Variants in SDK1 observed in about 807,000 individuals in gnomAD.
SDK1 encodes the protein protein sidekick-1.
In SDK1, 157 loss-of-function variants were observed where a neutral mutation model predicts 245.5. That is an observed-to-expected ratio of 0.64 (90% CI 0.56 to 0.73). The LOEUF is 0.73. Ranked by LOEUF, SDK1 falls within the 30% of genes least tolerant of loss-of-function variation. SDK1 has a pLI of 0.00. For missense variants in SDK1, 3,583 were observed against 3,002.3 expected (o/e 1.19, Z -4.52); for synonymous variants, 1,647 against 1,278.5 (o/e 1.29, Z -6.15).
At chr7:3,765,543 C>T (rs1042291192) in intron 4 of SDK1, among the ~76,000 whole-genome samples, 5 of 152,134 alleles carry the variant, frequency 3.3e-5, no homozygotes, top group Admixed American at 3.3e-4. Context: ...GTTGTAGTGT[C>T]CACCTGTATC....
chr7:3,884,607 T>C (rs1781293205), intron 5 of SDK1, among the ~76,000 whole-genome samples: 1 of 152,164 alleles, frequency 6.6e-6, no homozygotes, highest in South Asian at 2.1e-4. Flanking sequence ...TGAGCACATA[T>C]TGTGTGCCAG....
At chr7:3,509,781 G>C (rs1393856230) in intron 1 of SDK1, among the ~76,000 whole-genome samples, 1 of 152,184 alleles carries the variant, frequency 6.6e-6, no homozygotes, top group Admixed American at 6.5e-5. Context: ...AAGAAAAGCA[G>C]CATGACAGAG....
At chr7:3,788,193 G>A (rs1780965841) in intron 4 of SDK1, among the ~76,000 whole-genome samples, 1 of 152,198 alleles carries the variant, frequency 6.6e-6, no homozygotes, top group Admixed American at 6.5e-5. Context: ...TTCTTCAGCA[G>A]TGTCCCCGCC....
chr7:3,663,289 G>A (rs960134568), intron 4 of SDK1, among the ~76,000 whole-genome samples: 2 of 152,172 alleles, frequency 1.3e-5, no homozygotes, highest in Non-Finnish European at 2.9e-5. Context: ...GAACATCCAT[G>A]TTTTTGTTTT....
rs117977412 is a variant in SDK1 at position 3,566,940 on chromosome 7, A to C, written c.299-52140A>C. Among the ~76,000 whole-genome samples, 485 of 152,262 alleles carry C rather than the reference A, an allele frequency of 3.2e-3. 10 individuals are homozygous for C. In the East Asian group the frequency reaches 0.046, roughly 14 times the overall value. ...TAGATACAAGTGGGGATGTGTGAAC[A>C]TAGGAATTGTCATGCACTGGTGGTG... On this transcript the variant is annotated intron_variant, in intron 1 of 44. Transcript: ENST00000404826.
chr7:3,581,267 A>G (rs1207259266), intron 1 of SDK1, among the ~76,000 whole-genome samples: 3 of 152,204 alleles, frequency 2.0e-5, no homozygotes, highest in Admixed American at 1.3e-4. Context: ...AAAAAAACCT[A>G]TTAATCGAAT....
rs929965611 is a variant in SDK1 at position 4,237,643 on chromosome 7, A to G, written c.5993-4A>G. ...GTCATTGTGTGTCCGTGTCTTTTCC[A>G]CAGCTCAAGTGGAAGCCCCATTCTA... On this transcript the variant is annotated splice_polypyrimidine_tract_variant and splice_region_variant and intron_variant, in intron 41 of 44. Transcript: ENST00000404826. 1 of 1,613,914 alleles carries G rather than the reference A, an allele frequency of 6.2e-7. No homozygotes were observed. The highest frequency in any genetic ancestry group is 8.5e-7 in the Non-Finnish European group (1 of 1,180,012).
chr7:3,749,794 G>A (rs1003277836), intron 4 of SDK1, among the ~76,000 whole-genome samples: 1 of 152,126 alleles, frequency 6.6e-6, no homozygotes, highest in Non-Finnish European at 1.5e-5. Flanking sequence ...GGTAGTCATG[G>A]ACCCTACAAA....
intron 44 of SDK1, among the ~76,000 whole-genome samples, chr7:4,248,604 A>G (rs1787071632): frequency 6.6e-6 from 1 of 152,096 alleles, no homozygotes; most frequent in African/African-American, 2.4e-5. Context: ...TTAAATACAC[A>G]CAAACATGCA....
At chr7:3,370,081 T>G (rs1781184890) in intron 1 of SDK1, among the ~76,000 whole-genome samples, 1 of 152,240 alleles carries the variant, frequency 6.6e-6, no homozygotes, top group Non-Finnish European at 1.5e-5. Flanking sequence ...AGTATGAACA[T>G]CGGCCTAAGT....
rs377248195 is a variant in SDK1, at chr7:3,534,350, A to C, written c.299-84730A>C. ...TATTGTGGATAATGCTGCAGTGAAC[A>C]TGGGAGTACAGATGTCTCTTTGACT... On this transcript the variant is annotated intron_variant, in intron 1 of 44. Coordinates refer to ENST00000404826, the MANE Select transcript of SDK1 (RefSeq NM_152744.4). Among the ~76,000 whole-genome samples, 12 of 152,188 alleles carry C rather than the reference A, an allele frequency of 7.9e-5. 1 individual carries two copies. The highest frequency in any genetic ancestry group is 3.8e-4 in the East Asian group (2 of 5,202).
At chr7:3,338,183 G>C (rs1780252823) in intron 1 of SDK1, 1 of 255,064 alleles carries the variant, frequency 3.9e-6, no homozygotes, top group South Asian at 7.8e-5. Flanking sequence ...AGGCCTTTTA[G>C]AAAACATGGA....
Position 4,011,053 on chromosome 7 carries a change from A to T in SDK1, c.2219A>T (p.Gln740Leu). Residue 740 changes from glutamine (Q) to leucine (L), a missense_variant, in exon 15 of 45, where the codon CAA becomes CTA. Physicochemically the swap from Gln to Leu is moderately radical, Grantham distance 113. Coordinates refer to ENST00000404826, the MANE Select transcript of SDK1 (RefSeq NM_152744.4). Reference sequence around the variant, plus strand: ...GGCCTGACTCCGGCTCGTACCTATCAATTCCGGGTGTGCGCGGTGAATGAA... The same window carrying T: ...GGCCTGACTCCGGCTCGTACCTATCTATTCCGGGTGTGCGCGGTGAATGAA... The part of the protein sequence containing the change: ...VSGLTPARTY[Q>L]FRVCAVNEVG... The T allele has an allele frequency of 6.2e-7, 1 of 1,614,176 alleles. No individual in the cohort carries two copies. The highest frequency in any genetic ancestry group is 8.5e-7 in the Non-Finnish European group (1 of 1,180,038).
chr7:3,788,480 A>G (rs903965676), intron 4 of SDK1, among the ~76,000 whole-genome samples: 9 of 152,150 alleles, frequency 5.9e-5, no homozygotes, highest in Admixed American at 4.6e-4. Context: ...AAGTGGAATT[A>G]TCTCCCGAAG....
chr7:3,366,520 A>T (rs183338765), intron 1 of SDK1, among the ~76,000 whole-genome samples: 15 of 152,202 alleles, frequency 9.9e-5, no homozygotes, highest in African/African-American at 3.6e-4. Context: ...TTGTACTTTC[A>T]TCAACAGTGT....
chr7:3,608,571 T>G (rs1218434599), intron 1 of SDK1, among the ~76,000 whole-genome samples: 1 of 152,226 alleles, frequency 6.6e-6, no homozygotes, highest in Non-Finnish European at 1.5e-5. Flanking sequence ...CTTGACACTT[T>G]CGCATTATTT....
intron 1 of SDK1, among the ~76,000 whole-genome samples, chr7:3,504,357 A>G (rs1562527007): frequency 6.6e-6 from 1 of 151,948 alleles, no homozygotes; most frequent in Non-Finnish European, 1.5e-5. Context: ...GAATGGCCAA[A>G]CAGTATTGAA....
chr7:3,933,893 C>T (rs1780066302), intron 5 of SDK1, among the ~76,000 whole-genome samples: 1 of 152,054 alleles, frequency 6.6e-6, no homozygotes, highest in African/African-American at 2.4e-5. Context: ...CCCTAAGAAA[C>T]CTGTCTCTCA....
intron 17 of SDK1, among the ~76,000 whole-genome samples, chr7:4,045,092 C>G (rs998201479): frequency 6.6e-6 from 1 of 152,120 alleles, no homozygotes; most frequent in Non-Finnish European, 1.5e-5. Flanking sequence ...TGCGTTCATG[C>G]GTATAAGTAT....
Sources: allele counts gnomAD v4.1 joint callset (sites outside exome capture counted in the v4.1 genomes callset), GRCh38; gene constraint gnomAD v4.1.1; transcripts MANE v1.5; gene names NCBI Gene and HGNC (gene_info 2026-07-23, HGNC 2026-07-21).